STAU1: variants seen among roughly 807,000 people sequenced by gnomAD.
STAU1 encodes the protein double-stranded RNA-binding protein Staufen homolog 1.
In STAU1, 13 loss-of-function variants were observed where a neutral mutation model predicts 62.9. The observed-to-expected ratio is 0.21, with a 90% CI of 0.13 to 0.33. The LOEUF is 0.33. Ranked by LOEUF, STAU1 falls within the 10% of genes least tolerant of loss-of-function variation. The pLI, the probability that STAU1 is intolerant of heterozygous loss-of-function variation, is 1.00. For synonymous variants in STAU1, 269 were observed against 265.1 expected (o/e 1.01, Z -0.14); for missense variants, 571 against 712.1 (o/e 0.80, Z 2.25).
chr20:49,203,920 T>C, the STAU1 span, among the ~76,000 whole-genome samples: 1 of 152,114 alleles, frequency 6.6e-6, no homozygotes, highest in East Asian at 1.9e-4. Flanking sequence ...ATCCTGACCT[T>C]GTGATCCGCC....
At chr20:49,159,532 A>G (rs180976338) in intron 3 of STAU1, among the ~76,000 whole-genome samples, 175 of 152,326 alleles carry the variant, frequency 1.1e-3, no homozygotes, top group African/African-American at 3.9e-3. Context: ...TACAACAGTT[A>G]TAGAAAAATG....
chr20:49,160,929 G>A (rs1441881328), intron 3 of STAU1, among the ~76,000 whole-genome samples: 1 of 152,162 alleles, frequency 6.6e-6, no homozygotes, highest in African/African-American at 2.4e-5. Flanking sequence ...ACAAGAGGTG[G>A]CCCAAAGCTG....
At chr20:49,182,801 T>C (rs1009110768) in intron 1 of STAU1, among the ~76,000 whole-genome samples, 1 of 142,914 alleles carries the variant, frequency 7.0e-6, no homozygotes, top group Non-Finnish European at 1.5e-5. Context: ...ATCACACCAC[T>C]GCACTCCAGC....
At chr20:49,214,552 T>C in the STAU1 span, among the ~76,000 whole-genome samples, 1 of 151,352 alleles carries the variant, frequency 6.6e-6, no homozygotes, top group Non-Finnish European at 1.5e-5. Context: ...AGAAGAAGAT[T>C]TGGGTCCATG....
At chr20:49,217,947 C>T in the STAU1 span, among the ~76,000 whole-genome samples, 1 of 151,652 alleles carries the variant, frequency 6.6e-6, no homozygotes, top group East Asian at 1.9e-4. Context: ...GATCTCAGCT[C>T]ACCGCAACTT....
At chr20:49,212,615 A>ATTTTTTT in the STAU1 span, among the ~76,000 whole-genome samples, 5 of 85,176 alleles carry the variant, frequency 5.9e-5, no homozygotes, top group African/African-American at 1.9e-4. Flanking sequence ...AGCTATTGGA[A>ATTTTTTT]TTTTTTTTTT....
chr20:49,183,237 G>A (rs2093748035), intron 1 of STAU1, among the ~76,000 whole-genome samples: 1 of 152,084 alleles, frequency 6.6e-6, no homozygotes, highest in Admixed American at 6.6e-5. Context: ...AAACATTTTT[G>A]AAAGCTCTAA....
At chr20:49,152,260 A>G (rs1292567444) in intron 4 of STAU1, among the ~76,000 whole-genome samples, 2 of 150,776 alleles carry the variant, frequency 1.3e-5, no homozygotes, top group African/African-American at 2.4e-5. Context: ...TTCATAGCTT[A>G]TATTTTTAAA....
chr20:49,142,494 T>C (rs2093031724), intron 5 of STAU1, among the ~76,000 whole-genome samples: 1 of 152,114 alleles, frequency 6.6e-6, no homozygotes. Context: ...ACAATGGGTC[T>C]ACTGCTCCGT....
the STAU1 span, among the ~76,000 whole-genome samples, chr20:49,209,613 G>A: frequency 2.6e-5 from 4 of 152,126 alleles, no homozygotes; most frequent in Admixed American, 6.6e-5. Context: ...GCAGGGTGTC[G>A]GATGCCTGTA....
chr20:49,137,510 A>C (rs2092913082), intron 5 of STAU1, among the ~76,000 whole-genome samples: 1 of 152,188 alleles, frequency 6.6e-6, no homozygotes, highest in Non-Finnish European at 1.5e-5. Flanking sequence ...ATTATTGCTT[A>C]TTTTGTCAAA....
chr20:49,118,020 G>T lies in STAU1; in HGVS notation c.1266C>A (p.Pro422=). ...QLPAGILPMV[P]EVAQAVGVSQ... ...TAACTCCTACAGCCTGGGCGACCTC[G>T]GGCACCATGGGAAGAATTCCAGCAG... Residue 422 remains proline, a synonymous_variant, in exon 11 of 14, where the codon CCC becomes CCA. Transcript: ENST00000371856. The T allele has an allele frequency of 6.2e-7, 1 of 1,614,098 alleles. No individual in the cohort carries two copies. Among genetic ancestry groups the T allele is most frequent in the Non-Finnish European group, 8.5e-7 (1 of 1,180,018 alleles).
At position 49,117,528 on chromosome 20, in the gene STAU1, T is replaced by A. The variant is rs947614981; in HGVS notation, c.1509+249A>T. 5.3e-5 allele frequency among the ~76,000 whole-genome samples: 8 copies of A among 152,222 alleles called. No homozygotes were observed. The highest frequency in any genetic ancestry group is 1.9e-4 in the African/African-American group (8 of 41,450). On this transcript the variant is annotated intron_variant, in intron 11 of 13. Transcript: ENST00000371856. This position sits in a 1 kb window ranked among gnomAD's most constrained non-coding sequence, Gnocchi z 4.6. ...TGAAATCCAAATTTACAACCACTGC[T>A]AGTGGTTAGAAGCTTTTAGGGTTGG... is the stretch of plus-strand genomic sequence containing the variant.
intron 6 of STAU1, among the ~76,000 whole-genome samples, chr20:49,133,344 ACT>A (rs2092793977): frequency 6.6e-6 from 1 of 152,010 alleles, no homozygotes; most frequent in African/African-American, 2.4e-5. Context: ...CAAGCCGTCA[ACT>A]CTGCACATGA....
chr20:49,165,755 T>C (rs1345409619), intron 3 of STAU1, among the ~76,000 whole-genome samples: 3 of 152,238 alleles, frequency 2.0e-5, no homozygotes, highest in Non-Finnish European at 2.9e-5. Flanking sequence ...GGCTTTATAG[T>C]GTGAGTAGTT....
At chr20:49,157,104 T>A (rs1237216023) in intron 3 of STAU1, among the ~76,000 whole-genome samples, 1 of 152,144 alleles carries the variant, frequency 6.6e-6, no homozygotes. Context: ...CTCGAACTCC[T>A]GACCTCAAGT....
the STAU1 span, among the ~76,000 whole-genome samples, chr20:49,199,445 G>T: frequency 1.3e-5 from 2 of 150,822 alleles, no homozygotes; most frequent in Non-Finnish European, 3.0e-5. Context: ...TGGCCAGGAT[G>T]GTCTCAATCT....
At chr20:49,141,205 TAC>T (rs2093000152) in intron 5 of STAU1, among the ~76,000 whole-genome samples, 1 of 152,178 alleles carries the variant, frequency 6.6e-6, no homozygotes, top group Admixed American at 6.5e-5. Context: ...TACAGAAAAG[TAC>T]AGATAATAAC....
Position 49,117,946 on chromosome 20 carries a change from G to A in STAU1, c.1340C>T (p.Ala447Val). ...KDFTRAAPNP[A>V]KATVTAMIAR... ...TATCATGGCAGTTACCGTGGCCTTG[G>A]CAGGATTCGGAGCTGCCCTGGTAAA... The change falls in exon 11 of 14, where the codon GCC becomes GTC. Residue 447 changes from alanine to valine, a missense_variant. By Grantham distance (64) the Ala-to-Val change is moderately conservative. Transcript: ENST00000371856. The surrounding 1 kb of genome is among the most constrained non-coding windows in gnomAD (Gnocchi z 4.6). 2 of 1,614,162 alleles carry A rather than the reference G, an allele frequency of 1.2e-6. No individual in the cohort carries two copies. Among genetic ancestry groups the A allele is most frequent in the Admixed American group, 1.7e-5 (1 of 60,014 alleles).
Sources: allele counts gnomAD v4.1 joint callset (sites outside exome capture counted in the v4.1 genomes callset), GRCh38; gene constraint gnomAD v4.1.1; non-coding constraint Gnocchi (gnomAD v3.1); transcripts MANE v1.5; gene names NCBI Gene and HGNC (gene_info 2026-07-23, HGNC 2026-07-21).